DYNC1I1: variants seen among roughly 807,000 people sequenced by gnomAD.
The protein encoded by DYNC1I1 is dynein cytoplasmic 1 intermediate chain 1.
DYNC1I1 carries 43 observed loss-of-function variants against 86.6 expected under a neutral mutation model. The observed-to-expected ratio is 0.50, with a 90% confidence interval of 0.39 to 0.64. DYNC1I1 has a LOEUF of 0.64. DYNC1I1 is among the 30% of genes least tolerant of loss of function. The pLI is 0.00. For missense variants in DYNC1I1, 604 were observed against 788.8 expected, an observed-to-expected ratio of 0.77 and a Z score of 2.81; for synonymous variants, 262 against 283.7, an observed-to-expected ratio of 0.92 and a Z score of 0.77.
Position 95,813,318 on chromosome 7 carries a change from G to A in DYNC1I1, c.295G>A (p.Asp99Asn), listed in dbSNP as rs765322548. 6.8e-6 allele frequency: 11 copies of A among 1,610,956 alleles called. No homozygotes were observed. The highest frequency in any genetic ancestry group is 5.0e-5 in the Admixed American group (3 of 59,578). ...TGAAGCTGGAAGCCAAGACTCAGGC[G>A]ATCTGGGGCCATTAACAAGGTAAGA... ...PSEAGSQDSG[D>N]LGPLTRTLQW... The change falls in exon 4 of 17, where the codon GAT becomes AAT. Residue 99 changes from aspartate (D) to asparagine (N), a missense_variant. Asp to Asn is a conservative substitution (Grantham distance 23). Coordinates refer to ENST00000447467, the MANE Select transcript of DYNC1I1 (RefSeq NM_001135556.2).
At chr7:95,793,393 C>T (rs907256744) in intron 1 of DYNC1I1, among the ~76,000 whole-genome samples, 11 of 151,966 alleles carry the variant, frequency 7.2e-5, no homozygotes, top group Middle Eastern at 3.4e-3. Context: ...GGAAGTCTCT[C>T]GTGGCAGACC....
intron 1 of DYNC1I1, among the ~76,000 whole-genome samples, chr7:95,793,997 A>G (rs1330148765): frequency 6.6e-6 from 1 of 152,238 alleles, no homozygotes; most frequent in African/African-American, 2.4e-5. Flanking sequence ...GCACAGATGC[A>G]TAATTTCCTG....
chr7:95,847,326 C>G (rs1789460023), intron 5 of DYNC1I1, among the ~76,000 whole-genome samples: 1 of 152,170 alleles, frequency 6.6e-6, no homozygotes, highest in Non-Finnish European at 1.5e-5. Flanking sequence ...GATCTTTTCT[C>G]TGGCTGCTCC....
intron 10 of DYNC1I1, among the ~76,000 whole-genome samples, chr7:96,019,008 A>G (rs1794473555): frequency 6.6e-6 from 1 of 152,194 alleles, no homozygotes; most frequent in South Asian, 2.1e-4. Context: ...ATTCTGATTA[A>G]GTATATCACA....
At chr7:95,846,085 A>AAATTCTATG (rs1789416995) in intron 5 of DYNC1I1, among the ~76,000 whole-genome samples, 1 of 152,196 alleles carries the variant, frequency 6.6e-6, no homozygotes, top group Non-Finnish European at 1.5e-5. Flanking sequence ...ATGTTGGTAC[A>AAATTCTATG]AATTCTATGG....
chr7:96,005,093 T>G (rs1423760315), intron 10 of DYNC1I1, among the ~76,000 whole-genome samples: 1 of 152,218 alleles, frequency 6.6e-6, no homozygotes, highest in Non-Finnish European at 1.5e-5. Flanking sequence ...TGCAGAATAT[T>G]TCTTCCTTTA....
chr7:95,996,103 C>A, intron 10 of DYNC1I1, 30 bp downstream of exon 10: 10 of 1,613,568 alleles, frequency 6.2e-6, no homozygotes, highest in Non-Finnish European at 7.6e-6. Flanking sequence ...AAATAACTTA[C>A]ATCTCCTGCT....
At chr7:95,848,808 T>G (rs1789503168) in intron 5 of DYNC1I1, among the ~76,000 whole-genome samples, 1 of 152,156 alleles carries the variant, frequency 6.6e-6, no homozygotes, top group Admixed American at 6.5e-5. Context: ...TTTATACTGT[T>G]TGCCATAATG....
At chr7:95,892,446 G>T (rs1225384197) in intron 6 of DYNC1I1, among the ~76,000 whole-genome samples, 1 of 152,118 alleles carries the variant, frequency 6.6e-6, no homozygotes, top group Non-Finnish European at 1.5e-5. Context: ...AAGTAGCTGG[G>T]ACTACAGATG....
chr7:95,985,414 CT>C (rs1222039979), intron 8 of DYNC1I1, among the ~76,000 whole-genome samples: 2 of 151,942 alleles, frequency 1.3e-5, no homozygotes, highest in African/African-American at 2.4e-5. Flanking sequence ...AAAATGTTTC[CT>C]TTTTTTGGTA....
At chr7:95,804,696 C>T (rs1430021007) in intron 1 of DYNC1I1, 25 bp from the exon 2 acceptor site, 1 of 1,545,864 alleles carries the variant, frequency 6.5e-7, no homozygotes, top group South Asian at 1.3e-5. Context: ...TATATATGTT[C>T]ACTTTTTTTT....
chr7:96,037,467 A>G (rs1794954784), intron 13 of DYNC1I1, among the ~76,000 whole-genome samples: 1 of 152,198 alleles, frequency 6.6e-6, no homozygotes, highest in African/African-American at 2.4e-5. Flanking sequence ...AGAATGTCTT[A>G]AGTGGCATGA....
At chr7:95,787,671 G>A (rs922737215) in intron 1 of DYNC1I1, among the ~76,000 whole-genome samples, 2 of 152,126 alleles carry the variant, frequency 1.3e-5, no homozygotes, top group Admixed American at 1.3e-4. Flanking sequence ...CAATACATCG[G>A]TGAACAATAT....
intron 6 of DYNC1I1, among the ~76,000 whole-genome samples, chr7:95,905,439 T>A (rs1307228333): frequency 1.3e-5 from 2 of 152,148 alleles, no homozygotes; most frequent in Non-Finnish European, 2.9e-5. Flanking sequence ...CCTACTCAGC[T>A]GCAGACTCAT....
chr7:95,911,829 A>G (rs1791343574), intron 6 of DYNC1I1, among the ~76,000 whole-genome samples: 1 of 152,132 alleles, frequency 6.6e-6, no homozygotes, highest in South Asian at 2.1e-4. Flanking sequence ...AAAGGGGGCT[A>G]TCCTACCAAT....
At chr7:96,081,640 A>G (rs920199984) in intron 16 of DYNC1I1, among the ~76,000 whole-genome samples, 1 of 152,186 alleles carries the variant, frequency 6.6e-6, no homozygotes, top group Non-Finnish European at 1.5e-5. Context: ...AGCATCCTAG[A>G]CCTAGAAAGT....
intron 6 of DYNC1I1, among the ~76,000 whole-genome samples, chr7:95,956,257 G>A (rs1584197294): frequency 1.3e-5 from 2 of 152,022 alleles, no homozygotes; most frequent in African/African-American, 4.8e-5. Context: ...AGTATTAAGT[G>A]CTTATTTGCT....
intron 6 of DYNC1I1, among the ~76,000 whole-genome samples, chr7:95,933,008 G>T (rs370079272): frequency 6.0e-4 from 91 of 151,368 alleles, no homozygotes; most frequent in South Asian, 5.6e-3. Flanking sequence ...AGCTTCCTGA[G>T]TGTCTGGGCC....
At chr7:95,871,635 T>C (rs1790172042) in intron 6 of DYNC1I1, among the ~76,000 whole-genome samples, 1 of 152,092 alleles carries the variant, frequency 6.6e-6, no homozygotes. Context: ...ACTTAAGATA[T>C]TGGAAGTGGT....
Sources: gnomAD v4.1 joint callset for allele counts (sites outside exome capture counted in the v4.1 genomes callset) on GRCh38, gnomAD v4.1.1 for gene constraint, MANE v1.5 for transcripts, NCBI Gene and HGNC (gene_info 2026-07-23, HGNC 2026-07-21) for gene names.